Variants in SHMT1 observed in about 807,000 individuals in gnomAD.
The protein encoded by SHMT1 is serine hydroxymethyltransferase 1, also known as serine hydroxymethyltransferase, cytosolic.
A neutral mutation model predicts 49.0 loss-of-function variants in SHMT1; 45 were observed. The ratio of observed to expected loss-of-function variants is 0.92; its 90% CI spans 0.72 to 1.18. The LOEUF is 1.18. Among genes scored for constraint, SHMT1 ranks in the 50% most tolerant of loss-of-function variants. The pLI is 0.00. For synonymous variants in SHMT1, 232 were observed against 246.6 expected (o/e 0.94, Z 0.55); for missense variants, 541 against 612.4 (o/e 0.88, Z 1.23).
intron 9 of SHMT1, 161 bp from the exon 10 acceptor site, chr17:18,330,832 C>G: frequency 1.5e-6 from 1 of 682,368 alleles, no homozygotes. Flanking sequence ...CGAGAGATGC[C>G]CGTGCCTAAG....
chr17:18,338,324 A>T (rs8070633), intron 7 of SHMT1, among the ~76,000 whole-genome samples: 1 of 147,756 alleles, frequency 6.8e-6, no homozygotes, highest in African/African-American at 2.5e-5. Context: ...AGTGAGGAGC[A>T]TCTCTGCCCG....
At chr17:18,332,871 A>G in intron 9 of SHMT1, 1 of 439,818 alleles carries the variant, frequency 2.3e-6, no homozygotes. Flanking sequence ...CCAACCTCTC[A>G]GTTGAGCCTC....
intron 3 of SHMT1, among the ~76,000 whole-genome samples, chr17:18,351,284 G>A (rs1184979942): frequency 6.6e-6 from 1 of 151,964 alleles, no homozygotes; most frequent in African/African-American, 2.4e-5. Context: ...GGGACTACAG[G>A]CGCCAGCCAC....
Position 18,329,359 on chromosome 17 carries a change from G to C in SHMT1, c.1201C>G (p.Leu401Val). ...GDRSALRPSG[L>V]RLGTPALTSR... ...GTCAGTGCTGGGGTCCCCAGCCGCA[G>C]TCCACTGGGCCGCAGAGCGCTTCTG... is the stretch of plus-strand genomic sequence containing the variant. The change falls in exon 11 of 12, where the codon CTG (leucine) becomes GTG (valine). Residue 401 changes from leucine (L) to valine (V), a missense_variant. Leu to Val is a conservative substitution (Grantham distance 32). Coordinates refer to ENST00000316694, the MANE Select transcript of SHMT1 (RefSeq NM_004169.5). The C allele has an allele frequency of 4.3e-6, 7 of 1,612,900 alleles. No individual in the cohort carries two copies. Among genetic ancestry groups the C allele is most frequent in the Non-Finnish European group, 5.9e-6 (7 of 1,179,994 alleles).
rs575125969 is a variant in SHMT1, at chr17:18,329,022, G to T, written c.1283-103C>A. 6.3e-6 allele frequency: 9 copies of T among 1,422,936 alleles called. No homozygotes were observed. The African/African-American group carries it at 7.0e-5, about 11-fold the overall frequency. 88.1% of individuals were successfully genotyped at this position (1,422,936 alleles called of 1,614,324 possible). A position where few individuals can be genotyped will look rare whatever the true frequency, so the allele number is the denominator to read the frequency against. On this transcript the variant is annotated intron_variant, in intron 11 of 11. Transcript: ENST00000316694. ...TGTCAGAATGTCCCCCAGCTGGGGA[G>T]TGTGGCAGGGCACAAGGTCTCCATG...
intron 1 of SHMT1, among the ~76,000 whole-genome samples, chr17:18,359,800 G>A (rs1986585129): frequency 6.6e-6 from 1 of 151,460 alleles, no homozygotes; most frequent in Admixed American, 6.6e-5. Context: ...ACTAAAATTA[G>A]CTGGGTGTGG....
chr17:18,353,268 C>T (rs1333368639), intron 3 of SHMT1, among the ~76,000 whole-genome samples: 1 of 152,206 alleles, frequency 6.6e-6, no homozygotes, highest in Non-Finnish European at 1.5e-5. Flanking sequence ...AAACGGTTTT[C>T]AGTAATCCAG....
chr17:18,348,917 T>C (rs987063257), intron 3 of SHMT1, among the ~76,000 whole-genome samples: 5 of 148,886 alleles, frequency 3.4e-5, no homozygotes, highest in Non-Finnish European at 7.4e-5. Context: ...AGGTAAAGGC[T>C]GCAGTGAGCT....
In SHMT1 at chr17:18,357,228, C is replaced by G. The variant is rs560560769; in HGVS notation, c.-19-1228G>C. Among the ~76,000 whole-genome samples, 4 of 140,116 alleles carry G rather than the reference C, an allele frequency of 2.9e-5. No individual in the cohort carries two copies. In the South Asian group the frequency reaches 8.9e-4, roughly 31 times the overall value. 91.9% of individuals were successfully genotyped at this position (140,116 alleles called of 152,430 possible). A position where few individuals can be genotyped will look rare whatever the true frequency, so the allele number is the denominator to read the frequency against. On this transcript the variant is annotated intron_variant, in intron 1 of 11. Transcript: ENST00000316694. ...TCTGGGAGGCAGAGCTTGCAGTGAG[C>G]CGAGATCACACCACTGCACTCCAGC...
chr17:18,350,109 A>G (rs1412294407), intron 3 of SHMT1, among the ~76,000 whole-genome samples: 1 of 152,128 alleles, frequency 6.6e-6, no homozygotes, highest in Non-Finnish European at 1.5e-5. Context: ...CGGGCGGATC[A>G]CGAGGTCAGG....
At chr17:18,329,958 T>G (rs12451555) in intron 10 of SHMT1, among the ~76,000 whole-genome samples, 33,616 of 151,872 alleles carry the variant, frequency 0.22, 3,915 homozygotes, top group East Asian at 0.31. Context: ...GCCTCCTGGG[T>G]TCAAGCAATT....
intron 9 of SHMT1, chr17:18,331,620 G>A (rs1406185639): frequency 6.6e-6 from 1 of 152,406 alleles, no homozygotes. Context: ...CATGCCATGA[G>A]ATGCCCATGG....
At chr17:18,354,216 G>A (rs1216831728) in intron 2 of SHMT1, among the ~76,000 whole-genome samples, 3 of 152,278 alleles carry the variant, frequency 2.0e-5, no homozygotes, top group Non-Finnish European at 4.4e-5. Context: ...TCGGGGGTTC[G>A]AGACCAGCCT....
intron 9 of SHMT1, chr17:18,331,532 T>C (rs1427617003): frequency 2.6e-5 from 4 of 152,866 alleles, no homozygotes; most frequent in African/African-American, 7.2e-5. Context: ...TTTGCAAGCA[T>C]TATCTGTCTC....
At chr17:18,345,263 C>CT (rs1306699733) in intron 5 of SHMT1, among the ~76,000 whole-genome samples, 1 of 151,472 alleles carries the variant, frequency 6.6e-6, no homozygotes, top group Non-Finnish European at 1.5e-5. Context: ...CAGATTCTTT[C>CT]TTTTTTTTTC....
At chr17:18,349,445 G>A (rs1452405716) in intron 3 of SHMT1, among the ~76,000 whole-genome samples, 1 of 152,030 alleles carries the variant, frequency 6.6e-6, no homozygotes, top group East Asian at 1.9e-4. Flanking sequence ...GTAACTACAT[G>A]CAGTGGCTCA....
In SHMT1 at chr17:18,363,523, G is replaced by A. The variant is rs1395241635; in HGVS notation, c.-171C>T. 3 of 152,300 alleles carry A rather than the reference G, an allele frequency of 2.0e-5. No homozygotes were observed. The highest frequency in any genetic ancestry group is 4.4e-5 in the Non-Finnish European group (3 of 68,104). The allele number at this position is 152,300 out of a possible 1,614,324, so 9.4% of individuals were successfully genotyped here. On this transcript the variant is annotated 5_prime_UTR_variant, in exon 1 of 12. Transcript: ENST00000316694. ...CGCTGGACCGCTCGAGCTCAGGAAG[G>A]TGCACTCTGCGCGCCAGGCTTGGGC... is the stretch of plus-strand genomic sequence containing the variant.
At chr17:18,360,476 CTT>C (rs1339067852) in intron 1 of SHMT1, 1 of 151,390 alleles carries the variant, frequency 6.6e-6, no homozygotes, top group Non-Finnish European at 1.5e-5. Context: ...AGGATGATCA[CTT>C]GAGTCCCGGA....
At chr17:18,337,568 CT>C in intron 7 of SHMT1, among the ~76,000 whole-genome samples, 2 of 149,622 alleles carry the variant, frequency 1.3e-5, no homozygotes, top group East Asian at 2.0e-4. Context: ...CCCCCTCCCC[CT>C]CCCTCTCCCC....
Sources: gnomAD v4.1 joint callset for allele counts (sites outside exome capture counted in the v4.1 genomes callset) on GRCh38, gnomAD v4.1.1 for gene constraint, MANE v1.5 for transcripts, NCBI Gene and HGNC (gene_info 2026-07-23, HGNC 2026-07-21) for gene names.